HUWE1: variants seen among roughly 807,000 people sequenced by gnomAD.
HUWE1 encodes the protein HECT, UBA and WWE domain containing E3 ubiquitin protein ligase 1.
In HUWE1, 18 loss-of-function variants were observed where a neutral mutation model predicts 299.4. The ratio of observed to expected loss-of-function variants is 0.06; its 90% CI spans 0.04 to 0.09. The LOEUF is 0.09. Among genes scored for constraint, HUWE1 ranks in the 10% least tolerant of loss-of-function variants. The probability of loss-of-function intolerance (pLI) is 1.00; values close to 1 mark genes in which losing one functional copy is unlikely to be tolerated. For synonymous variants in HUWE1, 1,317 were observed against 1,286.1 expected (o/e 1.02, Z -0.51); for missense variants, 1,832 against 3,462.3 (o/e 0.53, Z 11.82).
At chrX:53,636,522 G>A (rs1272538355) in intron 7 of HUWE1, among the ~76,000 whole-genome samples, 1 of 112,037 alleles carries the variant, frequency 8.9e-6, no homozygotes, top group Admixed American at 9.4e-5. Flanking sequence ...TCAGGAGTTC[G>A]ACACCAGCTT....
At chrX:53,619,594 A>G (rs1367851153) in intron 19 of HUWE1, among the ~76,000 whole-genome samples, 10 of 100,982 alleles carry the variant, frequency 9.9e-5, no homozygotes, top group African/African-American at 4.1e-4. Flanking sequence ...ATAGAAGAAA[A>G]AAAAAAAAAA....
intron 43 of HUWE1, among the ~76,000 whole-genome samples, chrX:53,578,743 C>T (rs1735899040): frequency 2.9e-5 from 2 of 69,543 alleles, no homozygotes; most frequent in African/African-American, 1.2e-4. Context: ...TCTGCCCGGC[C>T]GCCCCTACTG....
chrX:53,675,185 T>G (rs782235999), intron 3 of HUWE1, among the ~76,000 whole-genome samples: 1 of 110,704 alleles, frequency 9.0e-6, no homozygotes, highest in Non-Finnish European at 1.9e-5. Flanking sequence ...GGGTAGGGTA[T>G]AGGGGAGGAA....
chrX:53,557,184 T>C (rs963158077), intron 60 of HUWE1, 198 bp downstream of exon 60: 7 of 553,868 alleles, frequency 1.3e-5, no homozygotes, highest in Admixed American at 6.8e-5. Flanking sequence ...GGAGAAGAAG[T>C]GTACCACCGT....
intron 21 of HUWE1, 128 bp from the exon 22 acceptor site, chrX:53,615,963 G>C: frequency 5.8e-6 from 3 of 519,092 alleles, no homozygotes. Context: ...TTCCTTTAAA[G>C]ACTTTATGTC....
intron 43 of HUWE1, among the ~76,000 whole-genome samples, chrX:53,579,263 G>A (rs782816673): frequency 4.9e-5 from 4 of 82,122 alleles, no homozygotes; most frequent in African/African-American, 1.4e-4. Flanking sequence ...CTGCCCGGCC[G>A]CCCCTACTGG....
rs1557016054 is a variant in HUWE1 at position 53,625,270 on chromosome X, G to A, written c.1490-12C>T. The A allele has an allele frequency of 8.9e-7, 1 of 1,123,164 alleles. No individual in the cohort carries two copies. Among genetic ancestry groups the A allele is most frequent in the Non-Finnish European group, 1.2e-6 (1 of 814,631 alleles). 92.6% of individuals were successfully genotyped at this position (1,123,164 alleles called of 1,213,427 possible). On this transcript the variant is annotated splice_polypyrimidine_tract_variant and intron_variant, in intron 17 of 83. Coordinates refer to ENST00000262854, the MANE Select transcript of HUWE1 (RefSeq NM_031407.7). ...AATACACTGGACTCCTGGCAATGAAGAAAGACAAAAGAATTATGCTGAGTT... is the reference window on the plus strand; with the variant it reads ...AATACACTGGACTCCTGGCAATGAAAAAAGACAAAAGAATTATGCTGAGTT...
At position 53,624,659 on chromosome X, in the gene HUWE1, C is replaced by T. The variant is rs1175418455; in HGVS notation, c.1608G>A (p.Leu536=). Residue 536 remains leucine (L), a synonymous_variant, in exon 19 of 84, where the codon CTG becomes CTA. Coordinates refer to ENST00000262854, the MANE Select transcript of HUWE1 (RefSeq NM_031407.7). ...TGATGATGTGTTTCAGGGAGGTAGG[C>T]AGAGAACCATCCATCACTAAAAGAA... The part of the protein sequence containing the change: ...DGIRHVMDGS[L]PTSLKHIISN... 8.4e-7 allele frequency: 1 copy of T among 1,196,195 alleles called. No homozygotes were observed. The highest frequency in any genetic ancestry group is 1.1e-6 in the Non-Finnish European group (1 of 882,865).
chrX:53,617,804 T>C (rs991711835), intron 19 of HUWE1, among the ~76,000 whole-genome samples: 11 of 112,144 alleles, frequency 9.8e-5, no homozygotes, highest in African/African-American at 3.6e-4. Context: ...ACCACATGTA[T>C]AAAAACCAGT....
intron 21 of HUWE1, among the ~76,000 whole-genome samples, chrX:53,616,061 C>A (rs1234037635): frequency 9.1e-6 from 1 of 109,651 alleles, no homozygotes; most frequent in East Asian, 2.8e-4. Context: ...TACAGGTGTG[C>A]GCCTCCGTGA....
chrX:53,645,736 AATATATATATATAT>A lies in HUWE1; in HGVS notation c.352-287_352-274del, dbSNP rs1175668846. On this transcript the variant is annotated intron_variant, in intron 6 of 83. Coordinates refer to ENST00000262854, the MANE Select transcript of HUWE1 (RefSeq NM_031407.7). ...TCAAAAAAAGAAAAAAAAAAAAAAA[AATATATATATATAT>A]ATATATATATATATATATATATATA... 8.9e-3 allele frequency among the ~76,000 whole-genome samples: 232 copies of A among 26,116 alleles called. 11 individuals are homozygous for A. The highest frequency in any genetic ancestry group is 0.041 in the East Asian group (26 of 637). 22.7% of individuals were successfully genotyped at this position (26,116 alleles called of 115,157 possible).
chrX:53,536,294 G>T (rs199784760), intron 79 of HUWE1, 42 bp from the exon 80 acceptor site: 3 of 1,141,863 alleles, frequency 2.6e-6, no homozygotes, highest in Non-Finnish European at 3.6e-6. Flanking sequence ...TTGCGAGTGG[G>T]GGGGAAGAAG....
intron 23 of HUWE1, among the ~76,000 whole-genome samples, chrX:53,611,857 CAAAA>C (rs781834430): frequency 1.4e-5 from 1 of 74,049 alleles, no homozygotes; most frequent in Non-Finnish European, 2.7e-5. Flanking sequence ...GACTCTGTCT[CAAAA>C]AAAAAAAAAT....
intron 3 of HUWE1, among the ~76,000 whole-genome samples, chrX:53,679,741 T>G (rs2149639179): frequency 8.9e-6 from 1 of 112,757 alleles, no homozygotes; most frequent in South Asian, 3.6e-4. Flanking sequence ...CTATTCAATG[T>G]TTGCATGTTT....
In HUWE1 at chrX:53,627,489, T is replaced by C; in HGVS notation, c.1410A>G (p.Glu470=). 1 of 1,200,613 alleles carries C rather than the reference T, an allele frequency of 8.3e-7. No homozygotes were observed. Among genetic ancestry groups the C allele is most frequent in the Non-Finnish European group, 1.1e-6 (1 of 886,554 alleles). Residue 470 remains glutamate, a synonymous_variant, in exon 17 of 84, where the codon GAA becomes GAG. Coordinates refer to ENST00000262854, the MANE Select transcript of HUWE1 (RefSeq NM_031407.7). ...LEHEVDLCRK[E]CPFVIKPKIQ... ...TCTTTGGCTTGATCACAAACGGACA[T>C]TCTTTTCGGCACAAATCTACTTCAT...
chrX:53,543,632 G>T, intron 73 of HUWE1: 1 of 549,430 alleles, frequency 1.8e-6, no homozygotes, highest in Non-Finnish European at 2.9e-6. Flanking sequence ...AGTGGGGTAT[G>T]ATGGCCAAGC....
intron 20 of HUWE1, 45 bp downstream of exon 20, chrX:53,617,295 T>C: frequency 2.9e-6 from 3 of 1,022,968 alleles, no homozygotes; most frequent in Non-Finnish European, 4.1e-6. Flanking sequence ...AGATAGGATT[T>C]TCACGCCCTA....
chrX:53,652,216 T>C (rs1358706885), intron 4 of HUWE1, among the ~76,000 whole-genome samples: 1 of 112,156 alleles, frequency 8.9e-6, no homozygotes, highest in African/African-American at 3.2e-5. Context: ...TCCATTATGG[T>C]TTTTTTCCTT....
intron 20 of HUWE1, 60 bp downstream of exon 20, chrX:53,617,280 A>G: frequency 1.0e-6 from 1 of 985,531 alleles, no homozygotes; most frequent in Non-Finnish European, 1.4e-6. Context: ...CACTACACAC[A>G]GAAGAGATAG....
Sources: allele counts gnomAD v4.1 joint callset (sites outside exome capture counted in the v4.1 genomes callset), GRCh38; gene constraint gnomAD v4.1.1; transcripts MANE v1.5; gene names NCBI Gene and HGNC (gene_info 2026-07-23, HGNC 2026-07-21).